The following TPSG1 variants were observed in gnomAD, a reference collection of about 807,000 sequenced individuals.
TPSG1 encodes the protein tryptase gamma.
In TPSG1, 43 loss-of-function variants were observed where a neutral mutation model predicts 23.8. The ratio of observed to expected loss-of-function variants is 1.81; its 90% confidence interval spans 1.42 to 2.33. The LOEUF is 2.33. Among genes scored for constraint, TPSG1 ranks in the 30% most tolerant of loss-of-function variants. The pLI, the probability that TPSG1 is intolerant of heterozygous loss-of-function variation, is 0.00. For synonymous variants in TPSG1, 302 were observed against 201.3 expected (o/e 1.50, Z -4.23); for missense variants, 623 against 438.6 (o/e 1.42, Z -3.75).
rs535807832 is a variant in TPSG1, at chr16:1,223,582, G to T, written c.86C>A (p.Pro29Gln). 9 of 1,541,772 alleles carry T rather than the reference G, an allele frequency of 5.8e-6. No homozygotes were observed. The East Asian group carries it at 7.4e-5, about 13-fold the overall frequency. The change falls in exon 3 of 6, where the codon CCG (proline) becomes CAG (glutamine). Residue 29 changes from proline to glutamine, a missense_variant. Transcript: ENST00000234798. Reference sequence around the variant, plus strand: ...CCGGCCGCCTGCATCCGAAACCTGCGGCCGGCCACACCCTAAGTCGAAGGA... The same window carrying T: ...CCGGCCGCCTGCATCCGAAACCTGCTGCCGGCCACACCCTAAGTCGAAGGA... ...LRTLQPGCGR[P>Q]QVSDAGGRIV... is the part of the protein sequence containing the mutation.
intron 3 of TPSG1, 72 bp downstream of exon 3, chr16:1,223,351 A>T: frequency 1.4e-6 from 2 of 1,458,416 alleles, no homozygotes; most frequent in Non-Finnish European, 1.8e-6. Context: ...GACCAAGTGG[A>T]GGCCTCTGCG....
In TPSG1 at chr16:1,221,675, A is replaced by C; in HGVS notation, c.*113T>G. ...CTTTGTTTCGTGTGCTTTTAAATTC[A>C]GGTTAAATGTTGCAATAATCTGATG... On this transcript the variant is annotated 3_prime_UTR_variant, in exon 6 of 6. Transcript: ENST00000234798. 8.9e-7 allele frequency: 1 copy of C among 1,120,284 alleles called. No homozygotes were observed. The highest frequency in any genetic ancestry group is 1.2e-6 in the Non-Finnish European group (1 of 803,070). The allele number at this position is 1,120,284 out of a possible 1,614,324, so 69.4% of individuals were successfully genotyped here.
chr16:1,222,329 G>A lies in TPSG1; in HGVS notation c.524C>T (p.Pro175Leu), dbSNP rs202107690. Residue 175 changes from proline to leucine, a missense_variant, in exon 5 of 6, where the codon CCC (proline) becomes CTC (leucine). By Grantham distance (98) the Pro-to-Leu change is moderately conservative. Coordinates refer to ENST00000234798, the MANE Select transcript of TPSG1 (RefSeq NM_012467.4). The part of the protein sequence containing the change: ...GYTREGEPLP[P>L]PYSLREVKVS... ...TTTCACCTCCCGCAGGCTGTACGGG[G>A]GTGGCAGAGGCTCTGGGGTGGGGGG... 1.2e-3 allele frequency: 1,937 copies of A among 1,599,670 alleles called. 4 individuals are homozygous for A. Among genetic ancestry groups the A allele is most frequent in the Non-Finnish European group, 1.6e-3 (1,854 of 1,171,746 alleles).
intron 2 of TPSG1, 38 bp downstream of exon 2, chr16:1,224,562 CTG>C: frequency 6.2e-7 from 1 of 1,613,118 alleles, no homozygotes; most frequent in Non-Finnish European, 8.5e-7. Context: ...CAGGCCTTGC[CTG>C]CACCCTCCCC....
rs746854903 is a variant in TPSG1 at position 1,221,797 on chromosome 16, G to A, written c.957C>T (p.Ala319=). ...ACTTGGATTCCTGCCATCAGTCAGG[G>A]GCGGGGAAGGGAGTACCATCCGCAG... ...HPSADGTPFP[A]PD The change falls in exon 6 of 6, where the codon GCC becomes GCT. Residue 319 remains alanine, a synonymous_variant. Transcript: ENST00000234798. The A allele has an allele frequency of 1.1e-5, 17 of 1,603,556 alleles. No homozygotes were observed. Among genetic ancestry groups the A allele is most frequent in the Non-Finnish European group, 1.4e-5 (16 of 1,174,062 alleles).
At chr16:1,223,941 C>T in intron 2 of TPSG1, 1 of 319,160 alleles carries the variant, frequency 3.1e-6, no homozygotes, top group Admixed American at 5.1e-5. Flanking sequence ...GGGTGGCTGC[C>T]TAGTGGGCCC....
Position 1,221,653 on chromosome 16 carries a change from T to A in TPSG1, c.*135A>T. On this transcript the variant is annotated 3_prime_UTR_variant, in exon 6 of 6. Transcript: ENST00000234798. ...GCCGCGAGATTCCCATTGACACCTT[T>A]GTTTCGTGTGCTTTTAAATTCAGGT... The A allele has an allele frequency of 1.0e-6, 1 of 991,548 alleles. No individual in the cohort carries two copies. The highest frequency in any genetic ancestry group is 1.4e-6 in the Non-Finnish European group (1 of 689,706). The allele number at this position is 991,548 out of a possible 1,614,324, so 61.4% of individuals were successfully genotyped here.
intron 2 of TPSG1, 128 bp from the exon 3 acceptor site, chr16:1,223,722 C>A: frequency 8.9e-7 from 1 of 1,125,912 alleles, no homozygotes; most frequent in Non-Finnish European, 1.2e-6. Flanking sequence ...CTCTCGTCTG[C>A]CAGACTCTCC....
At chr16:1,223,371 G>A in intron 3 of TPSG1, 52 bp downstream of exon 3, 1 of 1,513,898 alleles carries the variant, frequency 6.6e-7, no homozygotes, top group Non-Finnish European at 8.8e-7. Context: ...GCTGGCGCAT[G>A]CCCCACTGGG....
At chr16:1,225,119 T>A in intron 1 of TPSG1, 88 bp downstream of exon 1, 1 of 1,492,518 alleles carries the variant, frequency 6.7e-7, no homozygotes, top group Non-Finnish European at 9.1e-7. Flanking sequence ...TTTCTCCGTC[T>A]CAGACCAGCC....
intron 3 of TPSG1, 126 bp downstream of exon 3, chr16:1,223,297 G>T: frequency 8.0e-7 from 1 of 1,250,892 alleles, no homozygotes; most frequent in Non-Finnish European, 1.1e-6. Context: ...CCTTTCCATT[G>T]GAAGGAAGTA....
chr16:1,222,987 G>T, intron 3 of TPSG1, 70 bp from the exon 4 acceptor site: 1 of 1,485,012 alleles, frequency 6.7e-7, no homozygotes. Context: ...GCCCCGCCCA[G>T]ACCCTACCCT....
Position 1,223,431 on chromosome 16 carries a change from G to A in TPSG1, c.237C>T (p.Cys79=). Residue 79 remains cysteine, a synonymous_variant, in exon 3 of 6, where the codon TGC becomes TGT. Coordinates refer to ENST00000234798, the MANE Select transcript of TPSG1 (RefSeq NM_012467.4). ...CCCACCCGGACACTCACCCGGAGAA[G>A]CAGTGGGCAGCTGTGAGCACCCACT... ...SPQWVLTAAH[C]FSGSLNSSDY... The A allele has an allele frequency of 6.3e-7, 1 of 1,585,208 alleles. No individual in the cohort carries two copies. The highest frequency in any genetic ancestry group is 1.1e-5 in the South Asian group (1 of 87,008).
rs771414903 is a variant in TPSG1 at position 1,222,232 on chromosome 16, G to A, written c.621C>T (p.Asp207=). 2.5e-6 allele frequency: 4 copies of A among 1,612,132 alleles called. No individual in the cohort carries two copies. The highest frequency in any genetic ancestry group is 1.7e-5 in the Admixed American group (1 of 59,998). Reference sequence around the variant, plus strand: ...CCCCGGGGCCCCGGGCACACAGCATGTCGGGCTGAAGGATGCTGCCCCCGG... The same window carrying A: ...CCCCGGGGCCCCGGGCACACAGCATATCGGGCTGAAGGATGCTGCCCCCGG... ...PGPGGSILQP[D]MLCARGPGDA... Residue 207 remains aspartate, a synonymous_variant, in exon 5 of 6, where the codon GAC becomes GAT. Coordinates refer to ENST00000234798, the MANE Select transcript of TPSG1 (RefSeq NM_012467.4).
intron 4 of TPSG1, 98 bp from the exon 5 acceptor site, chr16:1,222,439 G>A (rs1970542790): frequency 8.6e-6 from 11 of 1,272,408 alleles, no homozygotes; most frequent in Admixed American, 4.5e-5. Flanking sequence ...ATGCCACCAC[G>A]ACCCTCGTCA....
chr16:1,222,893 C>T lies in TPSG1; in HGVS notation c.270G>A (p.Gln90=), dbSNP rs765779080. 21 of 1,608,212 alleles carry T rather than the reference C, an allele frequency of 1.3e-5. No homozygotes were observed. The highest frequency in any genetic ancestry group is 2.2e-5 in the East Asian group (1 of 44,784). The change falls in exon 4 of 6, where the codon CAG becomes CAA. Residue 90 remains glutamine, a synonymous_variant. Coordinates refer to ENST00000234798, the MANE Select transcript of TPSG1 (RefSeq NM_012467.4). ...TGATCTCCAGTTCCCCCAGGTGCAC[C>T]TGGTAGTCGGATGAGTTCAGGGACC... is the stretch of plus-strand genomic sequence containing the variant. ...FSGSLNSSDY[Q]VHLGELEITL...
intron 2 of TPSG1, 25 bp downstream of exon 2, chr16:1,224,577 C>T: frequency 4.3e-6 from 7 of 1,613,534 alleles, no homozygotes; most frequent in Non-Finnish European, 5.9e-6. Flanking sequence ...CCCTCCCCCA[C>T]ACCCCACACC....
Position 1,223,735 on chromosome 16 carries a change from A to G in TPSG1, c.74-141T>C, listed in dbSNP as rs1596487466. ...CTCTCTCGTCTGCCAGACTCTCCCC[A>G]GAAGCATCGTGGGTGCAGCAGAAAT... On this transcript the variant is annotated intron_variant, in intron 2 of 5. Transcript: ENST00000234798. 3.6e-5 allele frequency: 37 copies of G among 1,029,360 alleles called. No individual in the cohort carries two copies. The East Asian group carries it at 1.1e-3, about 29-fold the overall frequency. 63.8% of individuals were successfully genotyped at this position (1,029,360 alleles called of 1,614,324 possible). A position where few individuals can be genotyped will look rare whatever the true frequency, so the allele number is the denominator to read the frequency against.
Position 1,225,258 on chromosome 16 carries a change from C to T in TPSG1, c.-6G>A. 1.3e-6 allele frequency: 2 copies of T among 1,567,472 alleles called. No homozygotes were observed. The highest frequency in any genetic ancestry group is 1.7e-6 in the Non-Finnish European group (2 of 1,156,426). On this transcript the variant is annotated 5_prime_UTR_variant, in exon 1 of 6. Coordinates refer to ENST00000234798, the MANE Select transcript of TPSG1 (RefSeq NM_012467.4). ...CCACAGGCCCCAAGGGCCATGGTGT[C>T]TGCCCACTGTAGGGAGAAGGAGGGC...
Sources: gnomAD v4.1 joint callset for allele counts on GRCh38, gnomAD v4.1.1 for gene constraint, MANE v1.5 for transcripts, NCBI Gene and HGNC (gene_info 2026-07-23, HGNC 2026-07-21) for gene names.